The following ATG10 variants were observed in gnomAD, a reference collection of about 807,000 sequenced individuals.
The protein encoded by ATG10 is autophagy related 10, also known as ubiquitin-like-conjugating enzyme ATG10.
In ATG10, 30 loss-of-function variants were observed where a neutral mutation model predicts 32.1. That is an observed-to-expected ratio of 0.94 (90% CI 0.70 to 1.27). The LOEUF is 1.27. Ranked by LOEUF, ATG10 falls within the 50% of genes most tolerant of loss-of-function variation. The pLI is 0.00. For synonymous variants in ATG10, 87 were observed against 91.5 expected (o/e 0.95, Z 0.28); for missense variants, 233 against 262.3 (o/e 0.89, Z 0.77).
intron 3 of ATG10, among the ~76,000 whole-genome samples, chr5:82,114,926 C>A (rs1481148829): frequency 6.6e-6 from 1 of 151,884 alleles, no homozygotes; most frequent in Non-Finnish European, 1.5e-5. Flanking sequence ...CGCTACTAGC[C>A]CATGTAGATA....
intron 3 of ATG10, among the ~76,000 whole-genome samples, chr5:82,100,510 C>T (rs1471044205): frequency 6.6e-6 from 1 of 151,952 alleles, no homozygotes; most frequent in South Asian, 2.1e-4. Context: ...GTAGTTGGCC[C>T]CTGAATTCTT....
intron 2 of ATG10, among the ~76,000 whole-genome samples, chr5:82,010,587 A>G (rs1270099344): frequency 6.6e-6 from 1 of 152,214 alleles, no homozygotes; most frequent in East Asian, 1.9e-4. Flanking sequence ...ATTTAGAGAG[A>G]CTGGGTTTTC....
chr5:82,027,015 C>T (rs1316830293), intron 2 of ATG10, among the ~76,000 whole-genome samples: 1 of 151,794 alleles, frequency 6.6e-6, no homozygotes, highest in African/African-American at 2.4e-5. Flanking sequence ...GCCGAGATCA[C>T]ACCACTGCAC....
At chr5:82,194,681 A>G (rs896029343) in intron 5 of ATG10, among the ~76,000 whole-genome samples, 2 of 152,202 alleles carry the variant, frequency 1.3e-5, no homozygotes, top group African/African-American at 4.8e-5. Context: ...GATATTGGAT[A>G]GTATGGATTT....
intron 3 of ATG10, among the ~76,000 whole-genome samples, chr5:82,139,182 C>T (rs1414465978): frequency 1.4e-5 from 2 of 144,554 alleles, no homozygotes; most frequent in East Asian, 4.1e-4. Flanking sequence ...GGCGTGATCT[C>T]GGCTCACTAC....
intron 4 of ATG10, among the ~76,000 whole-genome samples, chr5:82,174,154 G>A (rs1331769763): frequency 6.6e-6 from 1 of 152,134 alleles, no homozygotes. Context: ...TAGATCTTTT[G>A]TTTTTGTATG....
chr5:82,012,801 A>G (rs182408325), intron 2 of ATG10, among the ~76,000 whole-genome samples: 247 of 152,100 alleles, frequency 1.6e-3, no homozygotes, highest in Middle Eastern at 0.014. Context: ...AATTACAGTC[A>G]TGTGCCACCA....
chr5:82,078,620 T>C (rs199651153), intron 3 of ATG10: 5 of 152,068 alleles, frequency 3.3e-5, no homozygotes, highest in African/African-American at 9.7e-5. Flanking sequence ...CTGGCCCAGA[T>C]TGGAAATGGA....
Position 82,083,616 on chromosome 5 carries a change from C to A in ATG10, c.216+25014C>A, listed in dbSNP as rs533198107. 2.6e-5 allele frequency among the ~76,000 whole-genome samples: 4 copies of A among 152,256 alleles called. No individual in the cohort carries two copies. In the East Asian group the frequency reaches 7.7e-4, roughly 29 times the overall value. Reference sequence around the variant, plus strand: ...AACTGACCCCTCATACAACTGGGTGCCCCTCTGACACGAAGCTTCCAGAGG... The same window carrying A: ...AACTGACCCCTCATACAACTGGGTGACCCTCTGACACGAAGCTTCCAGAGG... On this transcript the variant is annotated intron_variant, in intron 3 of 7. Coordinates refer to ENST00000282185, the MANE Select transcript of ATG10 (RefSeq NM_031482.5).
chr5:82,111,080 A>G (rs1297327727), intron 3 of ATG10, among the ~76,000 whole-genome samples: 1 of 151,968 alleles, frequency 6.6e-6, no homozygotes, highest in African/African-American at 2.4e-5. Context: ...CTGTTTTGAA[A>G]GATGCTTACG....
chr5:81,993,360 C>CTTCTTTCTTTTCTTTTCTT lies in ATG10; in HGVS notation c.108+5688_108+5689insCTTTTCTTTTCTTTTCTTT, dbSNP rs1389776064. On this transcript the variant is annotated intron_variant, in intron 2 of 7. Transcript: ENST00000282185. ...CCTTCTTTCTTTCTTTCTTTCTTTC[C>CTTCTTTCTTTTCTTTTCTT]TTCTTTTCTTTTCTTTTCTTTTCTT... Among the ~76,000 whole-genome samples, 257 of 46,784 alleles carry CTTCTTTCTTTTCTTTTCTT rather than the reference C, an allele frequency of 5.5e-3. 27 individuals carry two copies. Among genetic ancestry groups the CTTCTTTCTTTTCTTTTCTT allele is most frequent in the Middle Eastern group, 0.023 (2 of 88 alleles). The allele number at this position is 46,784 out of a possible 152,430, so 30.7% of individuals were successfully genotyped here. A position where few individuals can be genotyped will look rare whatever the true frequency, so the allele number is the denominator to read the frequency against.
intron 3 of ATG10, among the ~76,000 whole-genome samples, chr5:82,076,810 T>A (rs1764287386): frequency 6.6e-6 from 1 of 152,142 alleles, no homozygotes; most frequent in Non-Finnish European, 1.5e-5. Context: ...ATGTGAAGAG[T>A]ACTCAGTGGT....
intron 3 of ATG10, among the ~76,000 whole-genome samples, chr5:82,149,887 T>C (rs1415138224): frequency 6.6e-6 from 1 of 152,190 alleles, no homozygotes; most frequent in Admixed American, 6.5e-5. Flanking sequence ...GATTTCGTCA[T>C]GTTGGGTATA....
intron 2 of ATG10, among the ~76,000 whole-genome samples, chr5:82,047,115 G>C (rs1235364199): frequency 6.6e-6 from 1 of 151,110 alleles, no homozygotes; most frequent in Non-Finnish European, 1.5e-5. Context: ...AACAAAGAGA[G>C]AAAAAAAATA....
At chr5:82,012,199 CA>C (rs1197154183) in intron 2 of ATG10, among the ~76,000 whole-genome samples, 1 of 152,180 alleles carries the variant, frequency 6.6e-6, no homozygotes, top group Admixed American at 6.5e-5. Context: ...GCCTGAATTT[CA>C]ACAGTTTTTC....
At chr5:82,068,389 G>C (rs2149764024) in intron 3 of ATG10, among the ~76,000 whole-genome samples, 1 of 152,016 alleles carries the variant, frequency 6.6e-6, no homozygotes, top group East Asian at 1.9e-4. Context: ...AACACACCAG[G>C]GCCTGTCATA....
At chr5:82,031,415 G>A (rs1254241759) in intron 2 of ATG10, among the ~76,000 whole-genome samples, 1 of 152,158 alleles carries the variant, frequency 6.6e-6, no homozygotes. Context: ...CACCAGATAA[G>A]AAGGGTAACT....
chr5:82,195,628 C>A (rs1053049306), intron 5 of ATG10, among the ~76,000 whole-genome samples: 6 of 152,124 alleles, frequency 3.9e-5, no homozygotes, highest in African/African-American at 1.2e-4. Flanking sequence ...TCAATGAAAT[C>A]AAACAATATG....
intron 3 of ATG10, among the ~76,000 whole-genome samples, chr5:82,100,287 G>A (rs576062932): frequency 2.6e-5 from 4 of 152,118 alleles, no homozygotes; most frequent in South Asian, 2.1e-4. Context: ...GATTATAGGC[G>A]TGAGCCACCG....
Sources: allele counts gnomAD v4.1 joint callset (sites outside exome capture counted in the v4.1 genomes callset), GRCh38; gene constraint gnomAD v4.1.1; transcripts MANE v1.5; gene names NCBI Gene and HGNC (gene_info 2026-07-23, HGNC 2026-07-21).